Variants in PATZ1 observed in about 807,000 individuals in gnomAD.
The protein encoded by PATZ1 is POZ/BTB and AT hook containing zinc finger 1.
Under a neutral mutation model 46.2 loss-of-function variants are expected in PATZ1, and 9 were observed. That is an observed-to-expected ratio of 0.19 (90% CI 0.12 to 0.34). PATZ1 has a LOEUF of 0.34. Ranked by LOEUF, PATZ1 falls within the 10% of genes least tolerant of loss-of-function variation. The pLI is 1.00. For synonymous variants in PATZ1, 426 were observed against 378.6 expected (o/e 1.13, Z -1.45); for missense variants, 632 against 923.0 (o/e 0.68, Z 4.08).
chr22:31,343,177 T>C (rs1181273173), intron 1 of PATZ1: 3 of 1,292,932 alleles, frequency 2.3e-6, no homozygotes, highest in African/African-American at 1.5e-5. Flanking sequence ...GGAAGAGAAA[T>C]GGGCATTTGT....
At chr22:31,341,574 G>A (rs765894557) in intron 2 of PATZ1, 2 of 1,614,060 alleles carry the variant, frequency 1.2e-6, no homozygotes, top group Admixed American at 1.7e-5. Flanking sequence ...GGCGGTGTCA[G>A]GAACCGAATG....
intron 3 of PATZ1, among the ~76,000 whole-genome samples, chr22:31,334,629 C>G (rs1008792308): frequency 6.6e-6 from 1 of 152,174 alleles, no homozygotes; most frequent in African/African-American, 2.4e-5. Flanking sequence ...CGGCTCCTTT[C>G]ACCTACCTTG....
At position 31,328,997 on chromosome 22, in the gene PATZ1, CTCTGGCCGCTCT is replaced by C; in HGVS notation, c.1508-85_1508-74del. Reference sequence around the variant, plus strand: ...CTCTCTCCTTCCCCCAACTCCTCTCCTCTGGCCGCTCTGGCTAGCATTCCCAGGTCAGCTGCA... The same window carrying C: ...CTCTCTCCTTCCCCCAACTCCTCTCCGGCTAGCATTCCCAGGTCAGCTGCA... On this transcript the variant is annotated intron_variant, in intron 3 of 4. Coordinates refer to ENST00000266269, the MANE Select transcript of PATZ1 (RefSeq NM_014323.3). The surrounding 1 kb of genome is among the most constrained non-coding windows in gnomAD (Gnocchi z 4.8). The C allele has an allele frequency of 6.9e-7, 1 of 1,457,368 alleles. No individual in the cohort carries two copies. The allele number at this position is 1,457,368 out of a possible 1,614,324, so 90.3% of individuals were successfully genotyped here.
intron 3 of PATZ1, among the ~76,000 whole-genome samples, chr22:31,334,526 C>G (rs2049484242): frequency 6.6e-6 from 1 of 152,144 alleles, no homozygotes; most frequent in Non-Finnish European, 1.5e-5. Context: ...CCAAGGCCTG[C>G]AGGAGTGTTG....
chr22:31,328,513 C>T lies in PATZ1; in HGVS notation c.1645+274G>A, dbSNP rs2049394963. On this transcript the variant is annotated intron_variant, in intron 4 of 4. Transcript: ENST00000266269. The surrounding 1 kb of genome is among the most constrained non-coding windows in gnomAD (Gnocchi z 4.8). Reference sequence around the variant, plus strand: ...CAGGGCCCGGGGCATCCCTGCAGGGCTCCAGACAGTGGGGGCTGGCCAGGA... The same window carrying T: ...CAGGGCCCGGGGCATCCCTGCAGGGTTCCAGACAGTGGGGGCTGGCCAGGA... 6.6e-6 allele frequency among the ~76,000 whole-genome samples: 1 copy of T among 152,208 alleles called. No homozygotes were observed. Among genetic ancestry groups the T allele is most frequent in the African/African-American group, 2.4e-5 (1 of 41,456 alleles).
At chr22:31,341,734 C>A in intron 2 of PATZ1, 1 of 1,518,906 alleles carries the variant, frequency 6.6e-7, no homozygotes, top group Middle Eastern at 1.8e-4. Flanking sequence ...ACCGGGCTTG[C>A]CCCCACTGCC....
At chr22:31,341,590 A>G in intron 2 of PATZ1, 1 of 1,614,090 alleles carries the variant, frequency 6.2e-7, no homozygotes, top group Non-Finnish European at 8.5e-7. Context: ...GAATGGGACG[A>G]CCTCCACAAA....
rs1178679282 is a variant in PATZ1 at position 31,344,845 on chromosome 22, C to T, written c.758G>A (p.Ser253Asn). ...CAGGGGAGGGGCACTGGATGCCACA[C>T]TGGGGAATGGGGAAGTCAGCAGTTG... ...SPQLLTSPFP[S>N]VASSAPPLTG... The change falls in exon 1 of 5, where the codon AGT (serine) becomes AAT (asparagine). Residue 253 changes from serine (S) to asparagine (N), a missense_variant. By Grantham distance (46) the Ser-to-Asn change is conservative (BLOSUM62 1). Transcript: ENST00000266269. The T allele has an allele frequency of 6.2e-7, 1 of 1,612,664 alleles. No individual in the cohort carries two copies. Among genetic ancestry groups the T allele is most frequent in the Non-Finnish European group, 8.5e-7 (1 of 1,179,842 alleles).
At position 31,344,781 on chromosome 22, in the gene PATZ1, G is replaced by C. The variant is rs2049627890; in HGVS notation, c.822C>G (p.Asn274Lys). 1.2e-6 allele frequency: 2 copies of C among 1,609,368 alleles called. No individual in the cohort carries two copies. Among genetic ancestry groups the C allele is most frequent in the South Asian group, 2.2e-5 (2 of 90,792 alleles). Residue 274 changes from asparagine (N) to lysine (K), a missense_variant, in exon 1 of 5, where the codon AAC (asparagine) becomes AAG (lysine). Coordinates refer to ENST00000266269, the MANE Select transcript of PATZ1 (RefSeq NM_014323.3). ...GGGACCCAAACATTGAGTCCAGCAG[G>C]TTGGCCTTCCTTGGGCGGCCCCGGC... ...KRGRGRPRKA[N>K]LLDSMFGSPG...
chr22:31,335,862 G>T lies in PATZ1; in HGVS notation c.1337C>A (p.Thr446Asn), dbSNP rs146659012. The change falls in exon 3 of 5, where the codon ACC (threonine) becomes AAC (asparagine). Residue 446 changes from threonine to asparagine, a missense_variant and splice_region_variant. By Grantham distance (65) the Thr-to-Asn change is moderately conservative. Around this residue, in one of 7 missense-constraint regions of PATZ1, gnomAD observed 55 missense variants for 169.0 expected, o/e 0.33. Transcript: ENST00000266269. Reference sequence around the variant, plus strand: ...TCGGGTGGCAAAAGAAGCATTGCAGGTCTGAAGGCAGAAAAGAAAATGGGA... The same window carrying T: ...TCGGGTGGCAAAAGAAGCATTGCAGTTCTGAAGGCAGAAAAGAAAATGGGA... Reference protein sequence around the residue: ...HTSERPHKCQTCNASFATRDR... With the variant: ...HTSERPHKCQNCNASFATRDR... The T allele has an allele frequency of 2.5e-6, 4 of 1,611,728 alleles. No homozygotes were observed. In the African/African-American group the frequency reaches 4.0e-5, roughly 16 times the overall value.
At chr22:31,341,971 C>G (rs1032189859) in intron 2 of PATZ1, among the ~76,000 whole-genome samples, 1 of 152,190 alleles carries the variant, frequency 6.6e-6, no homozygotes, top group African/African-American at 2.4e-5. Context: ...GCACATTCAT[C>G]CCTCCCTGCT....
At position 31,328,077 on chromosome 22, in the gene PATZ1, G is replaced by A. The variant is rs3788430; in HGVS notation, c.1645+710C>T. Among the ~76,000 whole-genome samples the A allele has an allele frequency of 5.3e-5, 8 of 152,288 alleles. No homozygotes were observed. The highest frequency in any genetic ancestry group is 3.9e-4 in the East Asian group (2 of 5,178). ...CTGCCTGGGTCCAGAGAGCCATGCC[G>A]GGAAGGGAGGTCTGTGATGGGAGCA... On this transcript the variant is annotated intron_variant, in intron 4 of 4. Transcript: ENST00000266269. This position sits in a 1 kb window ranked among gnomAD's most constrained non-coding sequence, Gnocchi z 4.8.
chr22:31,343,005 C>A, intron 1 of PATZ1, 45 bp from the exon 2 acceptor site: 2 of 1,612,666 alleles, frequency 1.2e-6, no homozygotes, highest in Non-Finnish European at 1.7e-6. Context: ...CTTGGCCAGA[C>A]CCCACCACAC....
intron 3 of PATZ1, among the ~76,000 whole-genome samples, chr22:31,334,479 C>CG (rs2049483572): frequency 6.6e-6 from 1 of 152,154 alleles, no homozygotes; most frequent in South Asian, 2.1e-4. Context: ...CCGTGGACCT[C>CG]GGCACATGAA....
In PATZ1 at chr22:31,345,607, G is replaced by A; in HGVS notation, c.-5C>T. On this transcript the variant is annotated 5_prime_UTR_variant, in exon 1 of 5. Transcript: ENST00000266269. This position sits in a 1 kb window ranked among gnomAD's most constrained non-coding sequence, Gnocchi z 7.4. ...AGCGTCGTTCACCCGCTCCATGGCC[G>A]CCGCCCCCTCCCACTAGCCCGGCCG... 1.3e-6 allele frequency: 2 copies of A among 1,582,740 alleles called. No homozygotes were observed. The highest frequency in any genetic ancestry group is 1.7e-6 in the Non-Finnish European group (2 of 1,159,848).
At chr22:31,338,920 G>GC (rs1336237939) in intron 2 of PATZ1, among the ~76,000 whole-genome samples, 1 of 152,112 alleles carries the variant, frequency 6.6e-6, no homozygotes, top group Non-Finnish European at 1.5e-5. Flanking sequence ...ATGGTGGTGG[G>GC]CGCCTGTAGT....
At chr22:31,343,399 A>G in intron 1 of PATZ1, 1 of 988,228 alleles carries the variant, frequency 1.0e-6, no homozygotes, top group South Asian at 4.6e-5. Context: ...AATGAATGCC[A>G]CCCGGATGGA....
chr22:31,340,634 G>A (rs1417453528), intron 2 of PATZ1: 1 of 989,168 alleles, frequency 1.0e-6, no homozygotes, highest in Non-Finnish European at 1.2e-6. Flanking sequence ...AGTGATGTCA[G>A]TGTTATGACA....
chr22:31,339,417 T>G (rs1455292887), intron 2 of PATZ1, among the ~76,000 whole-genome samples: 1 of 151,982 alleles, frequency 6.6e-6, no homozygotes, highest in Non-Finnish European at 1.5e-5. Flanking sequence ...AAGTCCAAAG[T>G]CTAGGCACAG....
Sources: allele counts gnomAD v4.1 joint callset (sites outside exome capture counted in the v4.1 genomes callset), GRCh38; gene constraint gnomAD v4.1.1; regional missense constraint gnomAD v4.1.1; non-coding constraint Gnocchi (gnomAD v3.1); transcripts MANE v1.5; gene names NCBI Gene and HGNC (gene_info 2026-07-23, HGNC 2026-07-21).